Variants in TUSC3 observed in about 807,000 individuals in gnomAD.
The protein encoded by TUSC3 is dolichyl-diphosphooligosaccharide--protein glycosyltransferase subunit TUSC3.
In TUSC3, 45 loss-of-function variants were observed where a neutral mutation model predicts 44.8. That is an observed-to-expected ratio of 1.00 (90% confidence interval 0.79 to 1.29). The LOEUF is 1.29. Ranked by LOEUF, TUSC3 falls within the 50% of genes most tolerant of loss-of-function variation. The pLI is 0.00. For missense variants in TUSC3, 519 were observed against 437.9 expected, an observed-to-expected ratio of 1.19 and a Z score of -1.65; for synonymous variants, 212 against 152.9, an observed-to-expected ratio of 1.39 and a Z score of -2.85.
intron 1 of TUSC3, among the ~76,000 whole-genome samples, chr8:15,544,314 C>T (rs1801790808): frequency 6.8e-6 from 1 of 146,572 alleles, no homozygotes; most frequent in Non-Finnish European, 1.5e-5. Flanking sequence ...TTATAATGAC[C>T]TCTTCTGATA....
At chr8:15,443,206 C>T (rs764366305) in intron 1 of TUSC3, among the ~76,000 whole-genome samples, 2 of 151,926 alleles carry the variant, frequency 1.3e-5, no homozygotes, top group Non-Finnish European at 2.9e-5. Flanking sequence ...CACACTGTCA[C>T]CCAGGCTGGA....
the TUSC3 span, among the ~76,000 whole-genome samples, chr8:15,822,915 C>T: frequency 1.3e-5 from 2 of 152,082 alleles, no homozygotes; most frequent in Admixed American, 6.6e-5. Context: ...GGATTGAAGT[C>T]ATATCTGTAT....
At chr8:15,586,991 G>T (rs1209932588) in intron 1 of TUSC3, among the ~76,000 whole-genome samples, 1 of 152,104 alleles carries the variant, frequency 6.6e-6, no homozygotes, top group South Asian at 2.1e-4. Context: ...CTGGTTGGGG[G>T]ATTACACTTT....
downstream of TUSC3, among the ~76,000 whole-genome samples, chr8:15,768,155 A>C (rs1159228330): frequency 1.1e-5 from 1 of 90,902 alleles, no homozygotes; most frequent in Non-Finnish European, 2.1e-5. Context: ...TTTTCTTTTT[A>C]TCTTTTTTTT....
At chr8:15,824,426 G>A in the TUSC3 span, among the ~76,000 whole-genome samples, 1 of 151,962 alleles carries the variant, frequency 6.6e-6, no homozygotes, top group Non-Finnish European at 1.5e-5. Context: ...AATCTATAAA[G>A]ATGGTTTCCA....
intron 6 of TUSC3, among the ~76,000 whole-genome samples, chr8:15,699,528 C>A (rs1809308104): frequency 1.3e-5 from 2 of 152,156 alleles, no homozygotes; most frequent in African/African-American, 4.8e-5. Flanking sequence ...ATTGATGTGA[C>A]TTTTAAAAAA....
chr8:15,429,366 A>G (rs1799844010), intron 1 of TUSC3, among the ~76,000 whole-genome samples: 1 of 150,956 alleles, frequency 6.6e-6, no homozygotes, highest in Non-Finnish European at 1.5e-5. Context: ...TGTTTTGGTT[A>G]CTGTAGCCTT....
intron 6 of TUSC3, among the ~76,000 whole-genome samples, chr8:15,714,592 C>T (rs1290060679): frequency 6.6e-6 from 1 of 152,108 alleles, no homozygotes; most frequent in Non-Finnish European, 1.5e-5. Context: ...CTTAAAACAT[C>T]TGGTATTAAT....
intron 1 of TUSC3, among the ~76,000 whole-genome samples, chr8:15,480,297 C>T (rs1340903057): frequency 6.6e-6 from 1 of 152,188 alleles, no homozygotes; most frequent in Non-Finnish European, 1.5e-5. Flanking sequence ...CATTTAACTA[C>T]CACTGACATT....
intron 1 of TUSC3, among the ~76,000 whole-genome samples, chr8:15,609,936 G>A (rs1456876442): frequency 6.6e-6 from 1 of 151,692 alleles, no homozygotes; most frequent in Non-Finnish European, 1.5e-5. Flanking sequence ...TTACTGTTAT[G>A]ATATAATTTT....
chr8:15,787,188 A>G, the TUSC3 span, among the ~76,000 whole-genome samples: 1 of 152,124 alleles, frequency 6.6e-6, no homozygotes, highest in Non-Finnish European at 1.5e-5. Flanking sequence ...GTTGTTTTGT[A>G]TAGAGTGTGT....
At chr8:15,423,178 A>G (rs879519585) in intron 1 of TUSC3, among the ~76,000 whole-genome samples, 2 of 152,216 alleles carry the variant, frequency 1.3e-5, no homozygotes, top group Admixed American at 1.3e-4. Flanking sequence ...TCATTTGCAC[A>G]TGTACAAGCA....
intron 6 of TUSC3, among the ~76,000 whole-genome samples, chr8:15,690,641 T>C (rs1044216956): frequency 7.2e-5 from 11 of 152,186 alleles, no homozygotes; most frequent in Non-Finnish European, 1.3e-4. Flanking sequence ...TGTTTTTACA[T>C]TTAAGTATTT....
At chr8:15,783,659 AC>A in the TUSC3 span, among the ~76,000 whole-genome samples, 1 of 152,212 alleles carries the variant, frequency 6.6e-6, no homozygotes, top group Non-Finnish European at 1.5e-5. Context: ...TGTTGGGGAA[AC>A]TATAGAGGAA....
At chr8:15,803,207 T>C in the TUSC3 span, among the ~76,000 whole-genome samples, 3 of 124,114 alleles carry the variant, frequency 2.4e-5, no homozygotes, top group African/African-American at 7.4e-5. Context: ...TTAAAACAAA[T>C]AGAATTTATC....
At chr8:15,442,627 T>G (rs1298417518) in intron 1 of TUSC3, among the ~76,000 whole-genome samples, 2 of 152,154 alleles carry the variant, frequency 1.3e-5, no homozygotes, top group Non-Finnish European at 2.9e-5. Flanking sequence ...TCTTAGTAAT[T>G]TTCCATCCAC....
intron 1 of TUSC3, among the ~76,000 whole-genome samples, chr8:15,567,132 A>G (rs568154332): frequency 1.3e-5 from 2 of 152,282 alleles, no homozygotes; most frequent in South Asian, 4.2e-4. Context: ...GCAGTTAAGA[A>G]TTAGACTTGA....
rs10090172 is a variant in TUSC3, at chr8:15,482,638, G to A, written n.92-748G>A. Among the ~76,000 whole-genome samples the A allele has an allele frequency of 1.1e-4, 16 of 151,952 alleles. 1 individual carries two copies. Among genetic ancestry groups the A allele is most frequent in the Admixed American group, 1.0e-3 (16 of 15,258 alleles). ...TGCAAACACAACATCCATTCTGCAGGCCATAGATCAAAGAGTAATTTCAAA... is the reference window on the plus strand; with the variant it reads ...TGCAAACACAACATCCATTCTGCAGACCATAGATCAAAGAGTAATTTCAAA... On this transcript the variant is annotated intron_variant and non_coding_transcript_variant, in intron 1 of 5. Transcript: ENST00000503191.
At chr8:15,615,081 C>T (rs1173991918) in intron 1 of TUSC3, among the ~76,000 whole-genome samples, 3 of 151,980 alleles carry the variant, frequency 2.0e-5, no homozygotes, top group Admixed American at 2.0e-4. Context: ...AATACAACAA[C>T]CATAATATTC....
Sources: allele counts gnomAD v4.1 joint callset (sites outside exome capture counted in the v4.1 genomes callset), GRCh38; gene constraint gnomAD v4.1.1; transcripts MANE v1.5; gene names NCBI Gene and HGNC (gene_info 2026-07-23, HGNC 2026-07-21).